The following CFAP20DC variants were observed in gnomAD, a reference collection of about 807,000 sequenced individuals.
CFAP20DC encodes the protein protein CFAP20DC.
Under a neutral mutation model 101.7 loss-of-function variants are expected in CFAP20DC, and 84 were observed. The ratio of observed to expected loss-of-function variants is 0.83; its 90% CI spans 0.69 to 0.99. The LOEUF is 0.99. CFAP20DC is among the 50% of genes least tolerant of loss of function. The pLI, the probability that CFAP20DC is intolerant of heterozygous loss-of-function variation, is 0.00. For missense variants in CFAP20DC, 1,007 were observed against 970.3 expected, an observed-to-expected ratio of 1.04 and a Z score of -0.50; for synonymous variants, 359 against 351.2, an observed-to-expected ratio of 1.02 and a Z score of -0.25.
Position 58,861,322 on chromosome 3 carries a change from A to G in CFAP20DC, c.1593+2236T>C, listed in dbSNP as rs1165655154. ...TGTCCACCATTATTTACAACTTGAC[A>G]TTATGTTTTCCTGAAGTATAATTAT... On this transcript the variant is annotated intron_variant, in intron 12 of 16. Transcript: ENST00000482387. This position sits in a 1 kb window ranked among gnomAD's most constrained non-coding sequence, Gnocchi z 4.0. 13 of 733,780 alleles carry G rather than the reference A, an allele frequency of 1.8e-5. No homozygotes were observed. Among genetic ancestry groups the G allele is most frequent in the Non-Finnish European group, 2.2e-5 (13 of 600,772 alleles). 45.5% of individuals were successfully genotyped at this position (733,780 alleles called of 1,614,324 possible).
At chr3:58,959,459 C>G (rs374014638) in intron 4 of CFAP20DC, among the ~76,000 whole-genome samples, 1 of 152,170 alleles carries the variant, frequency 6.6e-6, no homozygotes. Context: ...AGGCAAGGTT[C>G]TAAAATAAGT....
At position 58,863,762 on chromosome 3, in the gene CFAP20DC, G is replaced by A. The variant is rs757386555; in HGVS notation, c.1389C>T (p.His463=). The A allele has an allele frequency of 3.6e-5, 58 of 1,614,050 alleles. No individual in the cohort carries two copies. Among genetic ancestry groups the A allele is most frequent in the Middle Eastern group, 1.6e-4 (1 of 6,082 alleles). ...TCTGGGATTCCTCTGCCTGCTGGTC[G>A]TGTTCACTCTCTTTGCTGGCTTCCA... ...LWLEASKESE[H]DQQAEESQSV... The change falls in exon 12 of 17, where the codon CAC becomes CAT. Residue 463 remains histidine (H), a synonymous_variant. Coordinates refer to ENST00000482387, the MANE Select transcript of CFAP20DC (RefSeq NM_001394063.1). The surrounding 1 kb of genome is among the most constrained non-coding windows in gnomAD (Gnocchi z 5.9).
chr3:58,817,418 G>C (rs1432691095), intron 14 of CFAP20DC, among the ~76,000 whole-genome samples: 1 of 149,410 alleles, frequency 6.7e-6, no homozygotes, highest in African/African-American at 2.5e-5. Context: ...TGTATAACTA[G>C]AATAACCAAT....
chr3:58,845,472 G>T (rs1005891658), intron 13 of CFAP20DC, among the ~76,000 whole-genome samples: 1 of 150,416 alleles, frequency 6.6e-6, no homozygotes, highest in Admixed American at 6.6e-5. Context: ...GGAAGAAGTT[G>T]AATCTCTGAA....
At chr3:58,970,284 T>C (rs1006953813) in intron 4 of CFAP20DC, 1 of 152,166 alleles carries the variant, frequency 6.6e-6, no homozygotes, top group African/African-American at 2.4e-5. Flanking sequence ...TATTTGTAGA[T>C]GTAATCAAAT....
chr3:58,844,784 T>C (rs975487228), intron 13 of CFAP20DC, among the ~76,000 whole-genome samples: 9 of 134,850 alleles, frequency 6.7e-5, no homozygotes, highest in Non-Finnish European at 1.1e-4. Context: ...TCAGCAAATG[T>C]AAAAGAACAG....
intron 6 of CFAP20DC, among the ~76,000 whole-genome samples, chr3:58,900,268 C>A (rs778667189): frequency 1.3e-5 from 2 of 152,160 alleles, no homozygotes; most frequent in Non-Finnish European, 2.9e-5. Flanking sequence ...TAGTACAGCA[C>A]CTGGTTCAAA....
At chr3:58,957,858 C>T (rs114886681) in intron 4 of CFAP20DC, among the ~76,000 whole-genome samples, 51 of 151,952 alleles carry the variant, frequency 3.4e-4, no homozygotes, top group African/African-American at 1.0e-3. Flanking sequence ...GGAAGTGTAG[C>T]GGGCAGGTGG....
In CFAP20DC at chr3:58,729,264, T is replaced by C. The variant is rs1040798986; in HGVS notation, c.198-11636A>G. 3.3e-5 allele frequency among the ~76,000 whole-genome samples: 5 copies of C among 152,222 alleles called. No individual in the cohort carries two copies. Among genetic ancestry groups the C allele is most frequent in the African/African-American group, 9.6e-5 (4 of 41,458 alleles). ...TAATATTTTAATTCGTATCAATAAA[T>C]GTTTCATAATTTTGTGCACAGAAAA... On this transcript the variant is annotated intron_variant, in intron 3 of 3. Transcript: ENST00000486145. The surrounding 1 kb of genome is among the most constrained non-coding windows in gnomAD (Gnocchi z 4.4).
chr3:58,832,705 C>T (rs1200263495), intron 13 of CFAP20DC, among the ~76,000 whole-genome samples: 2 of 152,070 alleles, frequency 1.3e-5, no homozygotes, highest in Non-Finnish European at 1.5e-5. Flanking sequence ...CTGTCAGGTA[C>T]TTTTTGAAAA....
rs1230705893 is a variant in CFAP20DC at position 59,006,602 on chromosome 3, G to A, written c.278+32955C>T. Among the ~76,000 whole-genome samples the A allele has an allele frequency of 2.0e-5, 3 of 152,192 alleles. No individual in the cohort carries two copies. The highest frequency in any genetic ancestry group is 2.0e-4 in the Admixed American group (3 of 15,282). On this transcript the variant is annotated intron_variant, in intron 4 of 16. Transcript: ENST00000482387. The surrounding 1 kb of genome is among the most constrained non-coding windows in gnomAD (Gnocchi z 4.3). Reference sequence around the variant, plus strand: ...TTACCTACAGCTAAAACAGATTTGGGGAGCTGAATGAAATATAAAAGTAGA... The same window carrying A: ...TTACCTACAGCTAAAACAGATTTGGAGAGCTGAATGAAATATAAAAGTAGA...
chr3:59,033,790 A>G (rs1432208303), intron 4 of CFAP20DC, among the ~76,000 whole-genome samples: 1 of 152,222 alleles, frequency 6.6e-6, no homozygotes, highest in Non-Finnish European at 1.5e-5. Flanking sequence ...GATATTAACC[A>G]GGAGAACTTC....
chr3:58,848,453 T>G (rs1221394261), intron 13 of CFAP20DC, among the ~76,000 whole-genome samples: 2 of 152,150 alleles, frequency 1.3e-5, no homozygotes, highest in Admixed American at 6.5e-5. Context: ...AGTTTCTAAG[T>G]GCAGCTTATA....
chr3:58,816,808 T>G (rs371239130), intron 14 of CFAP20DC, among the ~76,000 whole-genome samples: 9,193 of 152,218 alleles, frequency 0.06, 398 homozygotes, highest in Non-Finnish European at 0.094. Context: ...GAGGCCTGCC[T>G]GCCTCTGTAG....
chr3:58,726,086 G>A (rs1037429826), intron 3 of CFAP20DC: 1 of 152,570 alleles, frequency 6.6e-6, no homozygotes, highest in African/African-American at 2.4e-5. Flanking sequence ...TGGGAATGAT[G>A]GAAGCTTAGC....
chr3:58,811,900 T>C (rs185595378), intron 14 of CFAP20DC, among the ~76,000 whole-genome samples: 180 of 152,162 alleles, frequency 1.2e-3, no homozygotes, highest in African/African-American at 4.1e-3. Context: ...GCGAAGGACA[T>C]GAACAGACAC....
chr3:58,956,223 G>A (rs1330703530), intron 4 of CFAP20DC, among the ~76,000 whole-genome samples: 2 of 151,834 alleles, frequency 1.3e-5, no homozygotes, highest in African/African-American at 4.8e-5. Flanking sequence ...CACCAAGCAT[G>A]TTCTTGGGGC....
In CFAP20DC at chr3:58,901,363, G is replaced by A. The variant is rs145451055; in HGVS notation, c.550+12345C>T. On this transcript the variant is annotated intron_variant, in intron 6 of 16. Transcript: ENST00000482387. ...CACAGGCTCTGGGGCAAGGCTTCCTGGGCTCATATTCTGGCTCCACCACTT... is the reference window on the plus strand; with the variant it reads ...CACAGGCTCTGGGGCAAGGCTTCCTAGGCTCATATTCTGGCTCCACCACTT... Among the ~76,000 whole-genome samples the A allele has an allele frequency of 7.6e-3, 1,156 of 152,292 alleles. 5 individuals are homozygous for A. The highest frequency in any genetic ancestry group is 0.012 in the Non-Finnish European group (840 of 68,024).
chr3:58,945,745 G>A (rs374116374), intron 4 of CFAP20DC, among the ~76,000 whole-genome samples: 1 of 149,388 alleles, frequency 6.7e-6, no homozygotes, highest in East Asian at 2.0e-4. Context: ...TCACTGGGCT[G>A]GAGTCCAGTG....
Sources: gnomAD v4.1 joint callset for allele counts (sites outside exome capture counted in the v4.1 genomes callset) on GRCh38, gnomAD v4.1.1 for gene constraint, Gnocchi (gnomAD v3.1) non-coding constraint, MANE v1.5 for transcripts, NCBI Gene and HGNC (gene_info 2026-07-23, HGNC 2026-07-21) for gene names.